Variants in CAMTA1 observed in about 807,000 individuals in gnomAD.
CAMTA1 encodes the protein calmodulin binding transcription activator 1.
A neutral mutation model predicts 170.9 loss-of-function variants in CAMTA1; 27 were observed. That is an observed-to-expected ratio of 0.16 (90% CI 0.12 to 0.22). CAMTA1 has a LOEUF of 0.22. CAMTA1 is among the 10% of genes least tolerant of loss of function. The pLI, the probability that CAMTA1 is intolerant of heterozygous loss-of-function variation, is 1.00. For synonymous variants in CAMTA1, 833 were observed against 891.5 expected (o/e 0.93, Z 1.17); for missense variants, 1,619 against 2,217.2 (o/e 0.73, Z 5.42).
chr1:6,883,482 A>T (rs775699102), intron 3 of CAMTA1, among the ~76,000 whole-genome samples: 1 of 152,082 alleles, frequency 6.6e-6, no homozygotes, highest in Non-Finnish European at 1.5e-5. Context: ...TTAACCTGGG[A>T]TTAGGATTTT....
rs140475738 is a variant in CAMTA1, at chr1:7,752,614, A to G, written c.4958+81A>G. On this transcript the variant is annotated intron_variant, in intron 21 of 22. Coordinates refer to ENST00000303635, the MANE Select transcript of CAMTA1 (RefSeq NM_015215.4). ...ACCTTCTTAACCCTCACTAACTCCT[A>G]TGTAAAGCTAATCCCCCTGCAGATA... 506 of 1,058,024 alleles carry G rather than the reference A, an allele frequency of 4.8e-4. 2 individuals carry two copies. The African/African-American group carries it at 7.3e-3, about 15-fold the overall frequency. 65.5% of individuals were successfully genotyped at this position (1,058,024 alleles called of 1,614,324 possible).
intron 4 of CAMTA1, among the ~76,000 whole-genome samples, chr1:7,120,249 C>T (rs963324970): frequency 6.6e-6 from 1 of 152,220 alleles, no homozygotes; most frequent in African/African-American, 2.4e-5. Context: ...TAGCTGTGTT[C>T]TCTGCTTCAA....
chr1:7,094,987 G>A (rs1351664381), intron 4 of CAMTA1, among the ~76,000 whole-genome samples: 1 of 151,930 alleles, frequency 6.6e-6, no homozygotes, highest in Non-Finnish European at 1.5e-5. Flanking sequence ...CCTCCTGCAG[G>A]CCTTGACTGG....
At chr1:7,662,319 G>A (rs1305527866) in intron 8 of CAMTA1, among the ~76,000 whole-genome samples, 23 of 152,192 alleles carry the variant, frequency 1.5e-4, no homozygotes, top group African/African-American at 9.7e-5. Context: ...GAAGCGTCCC[G>A]CGCTCTCCTT....
chr1:7,136,653 T>G (rs1645562170), intron 4 of CAMTA1, among the ~76,000 whole-genome samples: 1 of 152,224 alleles, frequency 6.6e-6, no homozygotes, highest in African/African-American at 2.4e-5. Context: ...ACTCTTAAGC[T>G]GTCTGGCTTT....
intron 3 of CAMTA1, among the ~76,000 whole-genome samples, chr1:6,868,392 T>C (rs1667383799): frequency 6.6e-6 from 1 of 152,042 alleles, no homozygotes; most frequent in African/African-American, 2.4e-5. Context: ...GTATAGGGTT[T>C]TATTTTAATG....
chr1:7,137,223 T>C (rs1645596028), intron 4 of CAMTA1, among the ~76,000 whole-genome samples: 1 of 152,200 alleles, frequency 6.6e-6, no homozygotes, highest in Non-Finnish European at 1.5e-5. Flanking sequence ...ACAGAAGCCA[T>C]CAACTTATTC....
chr1:7,445,069 G>A (rs754487955), intron 5 of CAMTA1, among the ~76,000 whole-genome samples: 25 of 151,656 alleles, frequency 1.6e-4, no homozygotes, highest in Non-Finnish European at 3.5e-4. Flanking sequence ...ATGGGGTGGG[G>A]GTTACCTCTG....
chr1:7,506,351 G>A (rs1413590172), intron 6 of CAMTA1, among the ~76,000 whole-genome samples: 1 of 152,152 alleles, frequency 6.6e-6, no homozygotes, highest in African/African-American at 2.4e-5. Flanking sequence ...CCCACTCCCA[G>A]GGGGAAGGTT....
chr1:7,593,639 A>G (rs1378134623), intron 6 of CAMTA1, among the ~76,000 whole-genome samples: 1 of 151,366 alleles, frequency 6.6e-6, no homozygotes, highest in Non-Finnish European at 1.5e-5. Context: ...ACGAGCATGC[A>G]CTATCACGCC....
chr1:6,939,716 C>T (rs1020358569), intron 3 of CAMTA1, among the ~76,000 whole-genome samples: 2 of 152,248 alleles, frequency 1.3e-5, no homozygotes, highest in East Asian at 1.9e-4. Context: ...GCTCAGATCT[C>T]ACCTCAGAGA....
At position 6,940,305 on chromosome 1, in the gene CAMTA1, G is replaced by A. The variant is rs189525663; in HGVS notation, c.234+115095G>A. On this transcript the variant is annotated intron_variant, in intron 3 of 22. Transcript: ENST00000303635. ...GTCTGAGTTCACAGGAACACCACTG[G>A]TGTAAGTCCCAGTTCAAGGTCAGAA... Among the ~76,000 whole-genome samples, 3 of 152,342 alleles carry A rather than the reference G, an allele frequency of 2.0e-5. No homozygotes were observed. The East Asian group carries it at 5.8e-4, about 29-fold the overall frequency.
At chr1:7,079,979 A>T (rs922123072) in intron 3 of CAMTA1, among the ~76,000 whole-genome samples, 1 of 152,236 alleles carries the variant, frequency 6.6e-6, no homozygotes, top group Non-Finnish European at 1.5e-5. Flanking sequence ...ATTGTTTTAC[A>T]TCTTGAATAT....
At chr1:7,343,759 G>A (rs2084014275) in intron 5 of CAMTA1, among the ~76,000 whole-genome samples, 1 of 152,036 alleles carries the variant, frequency 6.6e-6, no homozygotes, top group African/African-American at 2.4e-5. Context: ...TTTACTTTTT[G>A]CCTGTTTTTG....
intron 1 of CAMTA1, among the ~76,000 whole-genome samples, chr1:6,811,509 C>G (rs1645160660): frequency 1.3e-5 from 2 of 152,120 alleles, no homozygotes; most frequent in South Asian, 4.1e-4. Context: ...ACAATCTCAC[C>G]TTGCCGTTGC....
At chr1:7,427,570 A>C (rs2091927276) in intron 5 of CAMTA1, among the ~76,000 whole-genome samples, 1 of 152,220 alleles carries the variant, frequency 6.6e-6, no homozygotes, top group African/African-American at 2.4e-5. Context: ...ATTGAAAGGA[A>C]GTGTCGAAGG....
intron 6 of CAMTA1, among the ~76,000 whole-genome samples, chr1:7,612,054 A>G (rs983242299): frequency 2.0e-5 from 3 of 152,216 alleles, no homozygotes; most frequent in African/African-American, 7.2e-5. Context: ...TGTTACAATT[A>G]ATGCTGTTTT....
chr1:7,231,290 C>T (rs1662751726), intron 4 of CAMTA1, among the ~76,000 whole-genome samples: 1 of 151,844 alleles, frequency 6.6e-6, no homozygotes, highest in Non-Finnish European at 1.5e-5. Context: ...CCGTTGCAGG[C>T]ACTGCGTGAC....
chr1:7,543,411 C>T (rs778338572), intron 6 of CAMTA1, among the ~76,000 whole-genome samples: 2 of 152,122 alleles, frequency 1.3e-5, no homozygotes, highest in African/African-American at 2.4e-5. Flanking sequence ...GCATTTACCC[C>T]GAGATAGCTT....
Sources: allele counts gnomAD v4.1 joint callset (sites outside exome capture counted in the v4.1 genomes callset), GRCh38; gene constraint gnomAD v4.1.1; transcripts MANE v1.5; gene names NCBI Gene and HGNC (gene_info 2026-07-23, HGNC 2026-07-21).